The following FRMPD4 variants were observed in gnomAD, a reference collection of about 807,000 sequenced individuals.
FRMPD4 encodes FERM and PDZ domain-containing protein 4.
In FRMPD4, 22 loss-of-function variants were observed where a neutral mutation model predicts 94.1. The observed-to-expected ratio is 0.23, with a 90% CI of 0.17 to 0.33. FRMPD4 has a LOEUF of 0.33. Among genes scored for constraint, FRMPD4 ranks in the 10% least tolerant of loss-of-function variants. The pLI is 1.00. For synonymous variants in FRMPD4, 631 were observed against 548.6 expected, an observed-to-expected ratio of 1.15 and a Z score of -2.10; for missense variants, 1,111 against 1,339.9, an observed-to-expected ratio of 0.83 and a Z score of 2.67.
At chrX:11,917,455 G>A (rs923848154) in intron 3 of FRMPD4, among the ~76,000 whole-genome samples, 2 of 111,892 alleles carry the variant, frequency 1.8e-5, no homozygotes, top group Admixed American at 9.5e-5. Flanking sequence ...GTTCATCACA[G>A]CACTATTCAC....
At chrX:12,192,742 G>T (rs1406289915) in intron 1 of FRMPD4, among the ~76,000 whole-genome samples, 1 of 111,513 alleles carries the variant, frequency 9.0e-6, no homozygotes, top group Non-Finnish European at 1.9e-5. Flanking sequence ...AATCAAATTA[G>T]TGAGCCCCAC....
chrX:12,532,362 A>G (rs902824254), intron 2 of FRMPD4, among the ~76,000 whole-genome samples: 1 of 111,752 alleles, frequency 8.9e-6, no homozygotes, highest in Admixed American at 9.5e-5. Flanking sequence ...CATGAGGTTC[A>G]TGGATCTCCA....
At chrX:12,362,552 T>G (rs1007605413) in intron 1 of FRMPD4, among the ~76,000 whole-genome samples, 44 of 111,717 alleles carry the variant, frequency 3.9e-4, no homozygotes, top group African/African-American at 1.4e-3. Context: ...TTTTTATGGC[T>G]GCATAGTATT....
intron 3 of FRMPD4, among the ~76,000 whole-genome samples, chrX:12,010,915 A>G (rs2054577398): frequency 8.9e-6 from 1 of 112,212 alleles, no homozygotes; most frequent in African/African-American, 3.2e-5. Context: ...GAAAAAGTAC[A>G]AAAGTGGAAA....
chrX:12,429,985 A>G (rs2056993592), intron 1 of FRMPD4, among the ~76,000 whole-genome samples: 1 of 112,100 alleles, frequency 8.9e-6, no homozygotes, highest in Admixed American at 9.4e-5. Context: ...CCAGGCCCCA[A>G]CTTGCCAGGG....
At chrX:12,583,428 C>G (rs1174976897) in intron 2 of FRMPD4, 25 of 1,195,970 alleles carry the variant, frequency 2.1e-5, no homozygotes, top group Non-Finnish European at 2.8e-5. Flanking sequence ...ACATGGCTTC[C>G]AGCAGCCGCG....
intron 8 of FRMPD4, among the ~76,000 whole-genome samples, chrX:12,690,925 T>C (rs1354377037): frequency 8.9e-6 from 1 of 111,828 alleles, no homozygotes; most frequent in Non-Finnish European, 1.9e-5. Context: ...AGCAAAGTCT[T>C]TGTTGAACGT....
At chrX:12,419,601 G>C (rs189505424) in intron 1 of FRMPD4, among the ~76,000 whole-genome samples, 6 of 111,509 alleles carry the variant, frequency 5.4e-5, no homozygotes, top group South Asian at 3.9e-4. Flanking sequence ...AAGGAGTCCT[G>C]AGGGTGAAAT....
chrX:12,276,438 G>A (rs2054437654), intron 1 of FRMPD4, among the ~76,000 whole-genome samples: 1 of 111,865 alleles, frequency 8.9e-6, no homozygotes, highest in East Asian at 2.8e-4. Flanking sequence ...CGGAAGTGGG[G>A]GCTTCCAGGT....
At chrX:12,294,738 G>T (rs112449361) in intron 1 of FRMPD4, among the ~76,000 whole-genome samples, 1 of 111,409 alleles carries the variant, frequency 9.0e-6, no homozygotes, top group Non-Finnish European at 1.9e-5. Flanking sequence ...CCTAGTCATT[G>T]CTATATCCCC....
At chrX:12,678,349 T>A (rs2059922991) in intron 5 of FRMPD4, among the ~76,000 whole-genome samples, 1 of 112,705 alleles carries the variant, frequency 8.9e-6, no homozygotes, top group African/African-American at 3.2e-5. Context: ...GGGGAATTTC[T>A]GGGTTACTCA....
intron 3 of FRMPD4, among the ~76,000 whole-genome samples, chrX:11,920,817 C>G (rs991155694): frequency 2.7e-5 from 3 of 111,643 alleles, no homozygotes; most frequent in Non-Finnish European, 3.8e-5. Context: ...CCAGCTGCTG[C>G]TCATTCTAGG....
At chrX:12,645,363 T>C (rs1446343587) in intron 4 of FRMPD4, among the ~76,000 whole-genome samples, 1 of 92,062 alleles carries the variant, frequency 1.1e-5, no homozygotes, top group Non-Finnish European at 2.2e-5. Flanking sequence ...TTTTTTTTTT[T>C]TTTTTTTTTG....
intron 2 of FRMPD4, among the ~76,000 whole-genome samples, chrX:12,522,149 G>A (rs2058169190): frequency 9.1e-6 from 1 of 109,847 alleles, no homozygotes; most frequent in Non-Finnish European, 1.9e-5. Flanking sequence ...CCTCAAACTA[G>A]CCTGTGGTGC....
At chrX:12,365,596 T>G (rs909736522) in intron 1 of FRMPD4, among the ~76,000 whole-genome samples, 1 of 111,405 alleles carries the variant, frequency 9.0e-6, no homozygotes, top group Non-Finnish European at 1.9e-5. Flanking sequence ...GAGCCTGTCT[T>G]TTTGAGGTCA....
At chrX:12,290,220 G>A (rs952160064) in intron 1 of FRMPD4, among the ~76,000 whole-genome samples, 2 of 112,034 alleles carry the variant, frequency 1.8e-5, no homozygotes, top group Non-Finnish European at 3.8e-5. Flanking sequence ...CGGAGCAGAG[G>A]TGATGAAGAA....
At chrX:12,710,227 T>A (rs4994371) in intron 13 of FRMPD4, among the ~76,000 whole-genome samples, 172 bp from the exon 14 acceptor site, 23,562 of 110,890 alleles carry the variant, frequency 0.21, 1,920 homozygotes, top group Middle Eastern at 0.3. Context: ...GTCCTGAATG[T>A]TTTTCAGTAA....
intron 1 of FRMPD4, among the ~76,000 whole-genome samples, chrX:12,228,468 T>A (rs1395322691): frequency 8.9e-6 from 1 of 112,267 alleles, no homozygotes; most frequent in African/African-American, 3.2e-5. Flanking sequence ...ACCCATTGCT[T>A]TACTTCTTGC....
At chrX:12,624,119 A>G (rs1248186625) in intron 4 of FRMPD4, among the ~76,000 whole-genome samples, 1 of 112,646 alleles carries the variant, frequency 8.9e-6, no homozygotes, top group Non-Finnish European at 1.9e-5. Context: ...TATCTGCCTT[A>G]GAAGAAATGC....
Sources: gnomAD v4.1 joint callset for allele counts (sites outside exome capture counted in the v4.1 genomes callset) on GRCh38, gnomAD v4.1.1 for gene constraint, MANE v1.5 for transcripts, NCBI Gene and HGNC (gene_info 2026-07-23, HGNC 2026-07-21) for gene names.